The following TMEM154 variants were observed in gnomAD, a reference collection of about 807,000 sequenced individuals.
TMEM154 encodes transmembrane protein 154.
TMEM154 carries 27 observed loss-of-function variants against 24.5 expected under a neutral mutation model. The ratio of observed to expected loss-of-function variants is 1.10; its 90% CI spans 0.81 to 1.52. The LOEUF (loss-of-function observed/expected upper bound fraction) is 1.52, where lower values mean the gene tolerates loss of function less well. Among genes scored for constraint, TMEM154 ranks in the 40% most tolerant of loss-of-function variants. The pLI is 0.00. For missense variants in TMEM154, 228 were observed against 213.4 expected, an observed-to-expected ratio of 1.07 and a Z score of -0.43; for synonymous variants, 67 against 76.8, an observed-to-expected ratio of 0.87 and a Z score of 0.67.
intron 1 of TMEM154, chr4:152,666,371 A>C (rs1728722645): frequency 6.6e-6 from 1 of 152,254 alleles, no homozygotes; most frequent in Admixed American, 6.5e-5. Flanking sequence ...AGAATGACTG[A>C]GTTAAATAAT....
In TMEM154 at chr4:152,628,564, GT is replaced by G. The variant is rs1283170864; in HGVS notation, c.537-4del. ...TTCAGGTTTAGGATTCACTGTCACT[GT>G]AAAAAAAAAAAAAAAAAAAAAAAAA... On this transcript the variant is annotated splice_region_variant and splice_polypyrimidine_tract_variant and intron_variant, in intron 6 of 6. Coordinates refer to ENST00000304385, the MANE Select transcript of TMEM154 (RefSeq NM_152680.3). 3.2e-5 allele frequency: 8 copies of G among 246,244 alleles called. No homozygotes were observed. The highest frequency in any genetic ancestry group is 9.1e-5 in the Admixed American group (1 of 10,978). The allele number at this position is 246,244 out of a possible 1,614,324, so 15.3% of individuals were successfully genotyped here. A position where few individuals can be genotyped will look rare whatever the true frequency, so the allele number is the denominator to read the frequency against.
At chr4:152,659,476 A>G (rs1230475158) in intron 1 of TMEM154, among the ~76,000 whole-genome samples, 1 of 152,218 alleles carries the variant, frequency 6.6e-6, no homozygotes, top group African/African-American at 2.4e-5. Flanking sequence ...GTAGTTAACA[A>G]TAATATATTT....
chr4:152,674,921 C>T (rs564406295), intron 1 of TMEM154, among the ~76,000 whole-genome samples: 9 of 152,018 alleles, frequency 5.9e-5, no homozygotes, highest in South Asian at 2.1e-4. Flanking sequence ...ACTGGGAAGC[C>T]GAGGTGAGTG....
At chr4:152,641,390 T>C (rs1295814252) in intron 5 of TMEM154, 2 of 163,148 alleles carry the variant, frequency 1.2e-5, no homozygotes, top group African/African-American at 4.8e-5. Context: ...TTGGGTAAAG[T>C]GGGAAAACAG....
chr4:152,667,254 A>G (rs1282928909), intron 1 of TMEM154, among the ~76,000 whole-genome samples: 1 of 152,098 alleles, frequency 6.6e-6, no homozygotes, highest in Non-Finnish European at 1.5e-5. Flanking sequence ...TCCCCTAACA[A>G]CTTCCTTTCT....
intron 1 of TMEM154, among the ~76,000 whole-genome samples, chr4:152,665,775 G>A (rs1041628034): frequency 1.3e-5 from 2 of 149,248 alleles, no homozygotes; most frequent in African/African-American, 5.0e-5. Flanking sequence ...CTGGGAGGGG[G>A]CCCAAGAATT....
At chr4:152,638,952 CT>C (rs796474915) in intron 6 of TMEM154, among the ~76,000 whole-genome samples, 85 of 147,860 alleles carry the variant, frequency 5.7e-4, no homozygotes, top group African/African-American at 1.4e-3. Context: ...AAAAATCTGA[CT>C]TTTTTTTTTT....
At chr4:152,661,275 T>C (rs1481791023) in intron 1 of TMEM154, among the ~76,000 whole-genome samples, 2 of 142,040 alleles carry the variant, frequency 1.4e-5, no homozygotes, top group Non-Finnish European at 3.0e-5. Flanking sequence ...AATCAAGGGA[T>C]TGTTCTCTTT....
At chr4:152,643,371 C>T (rs1402936235) in intron 4 of TMEM154, among the ~76,000 whole-genome samples, 198 bp from the exon 5 acceptor site, 1 of 152,182 alleles carries the variant, frequency 6.6e-6, no homozygotes, top group East Asian at 1.9e-4. Context: ...AACAAACATA[C>T]ATTTATCACA....
rs551586827 is a variant in TMEM154, at chr4:152,664,971, AAAAC to A, written c.65-12048_65-12045del. On this transcript the variant is annotated intron_variant, in intron 1 of 6. Transcript: ENST00000304385. ...TGATTAGCATTAGAAGAAGGAGAGA[AAAAC>A]AAACCAGGAAGTCTTCCAGTGGTTC... 2.3e-3 allele frequency among the ~76,000 whole-genome samples: 349 copies of A among 152,300 alleles called. 2 individuals carry two copies. Among genetic ancestry groups the A allele is most frequent in the African/African-American group, 7.5e-3 (311 of 41,538 alleles).
intron 1 of TMEM154, among the ~76,000 whole-genome samples, chr4:152,672,091 A>T (rs58939327): frequency 8.0e-3 from 15 of 1,870 alleles, no homozygotes; most frequent in Admixed American, 0.038. Context: ...CTATCTCTAT[A>T]AAAAAAAAAA....
In TMEM154 at chr4:152,648,434, G is replaced by A. The variant is rs373215133; in HGVS notation, c.365-3992C>T. Among the ~76,000 whole-genome samples the A allele has an allele frequency of 9.6e-4, 146 of 152,350 alleles. 1 individual carries two copies. The highest frequency in any genetic ancestry group is 2.9e-3 in the African/African-American group (121 of 41,578). ...CACTTGAGCCCAGGAGTTTGAGGCT[G>A]CAGTGAGCTATGATTGTGCCACCGC... is the stretch of plus-strand genomic sequence containing the variant. On this transcript the variant is annotated intron_variant, in intron 3 of 6. Coordinates refer to ENST00000304385, the MANE Select transcript of TMEM154 (RefSeq NM_152680.3).
intron 6 of TMEM154, among the ~76,000 whole-genome samples, chr4:152,633,699 A>T (rs6840928): frequency 0.89 from 134,587 of 152,062 alleles, 59,864 homozygotes; most frequent in South Asian, 0.97. Flanking sequence ...GTGTGGTGGC[A>T]AATGCCTGTA....
intron 6 of TMEM154, among the ~76,000 whole-genome samples, chr4:152,633,791 T>C (rs1018435098): frequency 2.0e-5 from 3 of 152,080 alleles, no homozygotes; most frequent in African/African-American, 4.8e-5. Flanking sequence ...CTGGGGAACA[T>C]AGTGAGACAC....
intron 6 of TMEM154, among the ~76,000 whole-genome samples, chr4:152,636,313 C>T (rs1752148020): frequency 6.6e-6 from 1 of 152,208 alleles, no homozygotes. Flanking sequence ...CTCCTAGCAC[C>T]CTCCTCCCAC....
intron 3 of TMEM154, among the ~76,000 whole-genome samples, chr4:152,647,570 A>G (rs1273016494): frequency 6.6e-6 from 1 of 152,224 alleles, no homozygotes; most frequent in Non-Finnish European, 1.5e-5. Context: ...TATTTAAGGT[A>G]AAAATAATGT....
chr4:152,645,934 T>TACACACAC lies in TMEM154; in HGVS notation c.365-1500_365-1493dup, dbSNP rs10545647. 1.1e-3 allele frequency among the ~76,000 whole-genome samples: 153 copies of TACACACAC among 140,562 alleles called. 1 individual carries two copies. The highest frequency in any genetic ancestry group is 2.4e-3 in the Admixed American group (33 of 13,762). 92.2% of individuals were successfully genotyped at this position (140,562 alleles called of 152,430 possible). On this transcript the variant is annotated intron_variant, in intron 3 of 6. Coordinates refer to ENST00000304385, the MANE Select transcript of TMEM154 (RefSeq NM_152680.3). The stretch of plus-strand genomic sequence containing the variant: ...GAAACTTAGATGGGGGAAAGGAGAA[T>TACACACAC]ACACACACACACACACACACACACA...
At chr4:152,642,285 C>A (rs1368460537) in intron 5 of TMEM154, among the ~76,000 whole-genome samples, 2 of 151,970 alleles carry the variant, frequency 1.3e-5, no homozygotes, top group African/African-American at 4.8e-5. Flanking sequence ...TTGAATTTGA[C>A]AGACCCTAGG....
At chr4:152,645,827 G>C in intron 3 of TMEM154, among the ~76,000 whole-genome samples, 1 of 152,030 alleles carries the variant, frequency 6.6e-6, no homozygotes, top group African/African-American at 2.4e-5. Context: ...TGCCATCACC[G>C]CTTGCCTTCC....
Sources: gnomAD v4.1 joint callset for allele counts (sites outside exome capture counted in the v4.1 genomes callset) on GRCh38, gnomAD v4.1.1 for gene constraint, MANE v1.5 for transcripts, NCBI Gene and HGNC (gene_info 2026-07-23, HGNC 2026-07-21) for gene names.